Variants in FBN3 observed in about 807,000 individuals in gnomAD.
FBN3 encodes fibrillin 3.
Under a neutral mutation model 330.1 loss-of-function variants are expected in FBN3, and 234 were observed. That is an observed-to-expected ratio of 0.71 (90% CI 0.64 to 0.79). The LOEUF is 0.79. FBN3 is among the 30% of genes least tolerant of loss of function. FBN3 has a pLI of 0.00. For synonymous variants in FBN3, 1,458 were observed against 1,517.3 expected (o/e 0.96, Z 0.91); for missense variants, 3,606 against 3,886.9 (o/e 0.93, Z 1.92).
chr19:8,071,441 C>T lies in FBN3; in HGVS notation c.8088+607G>A, dbSNP rs139414038. Among the ~76,000 whole-genome samples the T allele has an allele frequency of 6.8e-3, 1,030 of 152,210 alleles. 3 individuals are homozygous for T. The highest frequency in any genetic ancestry group is 9.7e-3 in the Non-Finnish European group (662 of 68,002). On this transcript the variant is annotated intron_variant, in intron 63 of 63. Coordinates refer to ENST00000600128, the MANE Select transcript of FBN3 (RefSeq NM_032447.5). ...GGTATGTCAGGTTGGGGCCCTGGGG[C>T]TCCTAAGGGGAGCCTCTGCTGGGGT...
chr19:8,129,267 C>A lies in FBN3; in HGVS notation c.2143G>T (p.Ala715Ser), dbSNP rs1478927640. 6.2e-7 allele frequency: 1 copy of A among 1,614,050 alleles called. No homozygotes were observed. The highest frequency in any genetic ancestry group is 1.3e-5 in the African/African-American group (1 of 74,938). Residue 715 changes from alanine (A) to serine (S), a missense_variant, in exon 17 of 64, where the codon GCA becomes TCA. Transcript: ENST00000600128. The surrounding 1 kb of genome is among the most constrained non-coding windows in gnomAD (Gnocchi z 4.5). ...GTGCAGTCCTTGCCTGAGGCACCTG[C>A]CTCATAACCCAGGTTGCAGACACAG... Reference protein sequence around the residue: ...YRCVCNLGYEAGASGKDCTDV... With the variant: ...YRCVCNLGYESGASGKDCTDV...
chr19:8,120,941 G>A (rs1421055512), intron 25 of FBN3, among the ~76,000 whole-genome samples: 1 of 152,158 alleles, frequency 6.6e-6, no homozygotes. Flanking sequence ...GTCAATGATG[G>A]GGACGAGAGG....
intron 39 of FBN3, 145 bp downstream of exon 39, chr19:8,103,417 C>T: frequency 1.2e-6 from 1 of 823,912 alleles, no homozygotes; most frequent in East Asian, 2.6e-5. Flanking sequence ...GCTCCTGAGT[C>T]CTGCAGCTTT....
chr19:8,121,101 G>A lies in FBN3; in HGVS notation c.3211+157C>T, dbSNP rs1226707429. Among the ~76,000 whole-genome samples the A allele has an allele frequency of 6.6e-6, 1 of 151,988 alleles. No individual in the cohort carries two copies. Among genetic ancestry groups the A allele is most frequent in the Non-Finnish European group, 1.5e-5 (1 of 67,972 alleles). On this transcript the variant is annotated intron_variant, in intron 25 of 63. Transcript: ENST00000600128. This position sits in a 1 kb window ranked among gnomAD's most constrained non-coding sequence, Gnocchi z 4.5. ...TCTCTCCTAAGGACGAGGCCTCATG[G>A]AGCCCAGACTCACTGTACCTCAGCT...
At chr19:8,112,418 G>A (rs12974088) in intron 30 of FBN3, among the ~76,000 whole-genome samples, 33,424 of 152,020 alleles carry the variant, frequency 0.22, 4,169 homozygotes, top group East Asian at 0.43. Flanking sequence ...AGGCCGAGGC[G>A]GGTGGATCAC....
At chr19:8,135,920 G>T in intron 13 of FBN3, 41 bp downstream of exon 13, 1 of 1,416,248 alleles carries the variant, frequency 7.1e-7, no homozygotes, top group Non-Finnish European at 9.7e-7. Flanking sequence ...GCAGCTAGTG[G>T]GGCCCGGAAG....
chr19:8,127,472 C>A (rs1487784340), intron 18 of FBN3, among the ~76,000 whole-genome samples: 1 of 152,310 alleles, frequency 6.6e-6, no homozygotes, highest in East Asian at 1.9e-4. Context: ...CCGACACCAG[C>A]AGGGTGCCCT....
chr19:8,113,554 C>T (rs2082636711), intron 30 of FBN3, among the ~76,000 whole-genome samples: 1 of 152,050 alleles, frequency 6.6e-6, no homozygotes, highest in African/African-American at 2.4e-5. Context: ...TAAAAATTAG[C>T]CCAGCTTGGT....
In FBN3 at chr19:8,149,079, G is replaced by A. The variant is rs1396364616; in HGVS notation, c.-18+370C>T. On this transcript the variant is annotated intron_variant, in intron 1 of 63. Transcript: ENST00000600128. The surrounding 1 kb of genome is among the most constrained non-coding windows in gnomAD (Gnocchi z 5.5). ...AGAAGGCGCGCCCGGCACGGGGTGT[G>A]GAGGCTGAGGGCCAAACAGCGAGGG... Among the ~76,000 whole-genome samples the A allele has an allele frequency of 6.6e-6, 1 of 152,190 alleles. No homozygotes were observed. Among genetic ancestry groups the A allele is most frequent in the Non-Finnish European group, 1.5e-5 (1 of 68,018 alleles).
chr19:8,089,834 G>A (rs2082052691), intron 50 of FBN3, 60 bp downstream of exon 50: 3 of 1,542,546 alleles, frequency 1.9e-6, no homozygotes, highest in Non-Finnish European at 2.6e-6. Context: ...GACCCAGGCA[G>A]TGCGGAGATG....
Position 8,085,585 on chromosome 19 carries a change from G to C in FBN3, c.6881-16C>G. 1 of 1,526,622 alleles carries C rather than the reference G, an allele frequency of 6.6e-7. No homozygotes were observed. The highest frequency in any genetic ancestry group is 8.8e-7 in the Non-Finnish European group (1 of 1,136,826). The allele number at this position is 1,526,622 out of a possible 1,614,324, so 94.6% of individuals were successfully genotyped here. On this transcript the variant is annotated splice_polypyrimidine_tract_variant and intron_variant, in intron 55 of 63. Coordinates refer to ENST00000600128, the MANE Select transcript of FBN3 (RefSeq NM_032447.5). ...TGCCGGATGTCTGCAGAGAACAATG[G>C]GAAAGACAACGGTCACTCCAGGAGG...
Position 8,111,039 on chromosome 19 carries a change from C to T in FBN3, c.4210+19G>A. On this transcript the variant is annotated intron_variant, in intron 33 of 63. Transcript: ENST00000600128. ...GGACCTACCCACTCTGTCCTCTGCC[C>T]TGGCGGGCCCAACCTTACCCTGGCA... is the stretch of plus-strand genomic sequence containing the variant. The T allele has an allele frequency of 6.2e-7, 1 of 1,613,420 alleles. No homozygotes were observed. Among genetic ancestry groups the T allele is most frequent in the Non-Finnish European group, 8.5e-7 (1 of 1,179,572 alleles).
At chr19:8,146,998 C>A in intron 3 of FBN3, 106 bp downstream of exon 3, 1 of 1,044,552 alleles carries the variant, frequency 9.6e-7, no homozygotes, top group South Asian at 1.4e-5. Context: ...TGTGGTTCAG[C>A]CAGAGGTCCC....
chr19:8,110,482 A>C (rs900742807), intron 34 of FBN3, among the ~76,000 whole-genome samples: 2 of 152,196 alleles, frequency 1.3e-5, no homozygotes, highest in African/African-American at 4.8e-5. Context: ...ACATTCATTC[A>C]TTTACATATT....
Position 8,133,006 on chromosome 19 carries a change from C to T in FBN3, c.1692G>A (p.Ala564=), listed in dbSNP as rs746969140. ...SCLCKPGFLL[A]PGGHYCMDID... is the part of the protein sequence containing the mutation. ...CACCCATGCAGTAGTGGCCGCCAGG[C>T]GCCAGCAGGAAGCCGGGTTTGCAGA... Residue 564 remains alanine (A), a synonymous_variant, in exon 14 of 64, where the codon GCG becomes GCA. Transcript: ENST00000600128. The T allele has an allele frequency of 4.3e-5, 68 of 1,572,168 alleles. No individual in the cohort carries two copies. Among genetic ancestry groups the T allele is most frequent in the Non-Finnish European group, 4.8e-5 (56 of 1,162,012 alleles).
chr19:8,147,107 C>A lies in FBN3; in HGVS notation c.247G>T (p.Val83Leu), dbSNP rs532677935. 1 of 1,559,474 alleles carries A rather than the reference C, an allele frequency of 6.4e-7. No individual in the cohort carries two copies. The highest frequency in any genetic ancestry group is 1.9e-5 in the Admixed American group (1 of 52,400). The change falls in exon 3 of 64, where the codon GTA (valine) becomes TTA (leucine). Residue 83 changes from valine (V) to leucine (L), a missense_variant. By Grantham distance (32) the Val-to-Leu change is conservative. Coordinates refer to ENST00000600128, the MANE Select transcript of FBN3 (RefSeq NM_032447.5). ...TCCAGACGGCGGTAGCACTCACGTA[C>A]GACACACTGGCTCCTGCCAGGGAAT... The part of the protein sequence containing the change: ...RTFPGRSQCV[V>L]PICRRACGEG...
chr19:8,131,087 A>T lies in FBN3; in HGVS notation c.2044+148T>A. ...GACCTCTGGCCTGCAGGAGTGTGAG[A>T]GAATCAGCTTCTGTTGTTGAAGCCG... On this transcript the variant is annotated intron_variant, in intron 16 of 63. Coordinates refer to ENST00000600128, the MANE Select transcript of FBN3 (RefSeq NM_032447.5). The surrounding 1 kb of genome is among the most constrained non-coding windows in gnomAD (Gnocchi z 4.5). 1 of 668,352 alleles carries T rather than the reference A, an allele frequency of 1.5e-6. No individual in the cohort carries two copies. Among genetic ancestry groups the T allele is most frequent in the Non-Finnish European group, 2.5e-6 (1 of 393,606 alleles). 41.4% of individuals were successfully genotyped at this position (668,352 alleles called of 1,614,324 possible). A position where few individuals can be genotyped will look rare whatever the true frequency, so the allele number is the denominator to read the frequency against.
At chr19:8,077,233 T>C (rs1008756490) in intron 59 of FBN3, among the ~76,000 whole-genome samples, 1 of 152,168 alleles carries the variant, frequency 6.6e-6, no homozygotes, top group Non-Finnish European at 1.5e-5. Flanking sequence ...GTATACTGCA[T>C]TTGAACTGGG....
intron 25 of FBN3, among the ~76,000 whole-genome samples, chr19:8,120,623 G>A (rs946684153): frequency 2.6e-5 from 4 of 151,926 alleles, no homozygotes; most frequent in African/African-American, 9.7e-5. Flanking sequence ...CGAGTAGCAC[G>A]CGCCACCATG....
Sources: gnomAD v4.1 joint callset for allele counts (sites outside exome capture counted in the v4.1 genomes callset) on GRCh38, gnomAD v4.1.1 for gene constraint, Gnocchi (gnomAD v3.1) non-coding constraint, MANE v1.5 for transcripts, NCBI Gene and HGNC (gene_info 2026-07-23, HGNC 2026-07-21) for gene names.